NKAIN3: variants seen among roughly 807,000 people sequenced by gnomAD.
NKAIN3 encodes sodium/potassium-transporting ATPase subunit beta-1-interacting protein 3.
A neutral mutation model predicts 30.2 loss-of-function variants in NKAIN3; 25 were observed. The ratio of observed to expected loss-of-function variants is 0.83; its 90% CI spans 0.60 to 1.16. The LOEUF (loss-of-function observed/expected upper bound fraction) is 1.16, where lower values mean the gene tolerates loss of function less well. Ranked by LOEUF, NKAIN3 falls within the 50% of genes most tolerant of loss-of-function variation. NKAIN3 has a pLI of 0.00. For missense variants in NKAIN3, 225 were observed against 254.1 expected (o/e 0.89, Z 0.78); for synonymous variants, 91 against 89.6 (o/e 1.02, Z -0.09).
intron 3 of NKAIN3, among the ~76,000 whole-genome samples, chr8:62,595,152 G>A (rs1563475665): frequency 1.3e-5 from 2 of 151,782 alleles, no homozygotes. Context: ...ACATTTTTAT[G>A]TTGTTACTAA....
intron 3 of NKAIN3, among the ~76,000 whole-genome samples, 165 bp from the exon 4 acceptor site, chr8:62,746,767 A>G (rs1816084277): frequency 6.6e-6 from 1 of 152,248 alleles, no homozygotes; most frequent in South Asian, 2.1e-4. Flanking sequence ...TAGTTTAGGC[A>G]TATAATACAT....
chr8:62,840,542 A>C (rs369527430), intron 4 of NKAIN3, among the ~76,000 whole-genome samples: 4 of 152,068 alleles, frequency 2.6e-5, no homozygotes, highest in Non-Finnish European at 5.9e-5. Flanking sequence ...GACTTCCAGA[A>C]GTCCAGATTG....
intron 3 of NKAIN3, among the ~76,000 whole-genome samples, chr8:62,610,764 A>C (rs1811263569): frequency 1.3e-5 from 2 of 151,982 alleles, no homozygotes; most frequent in South Asian, 2.1e-4. Flanking sequence ...ACTTTGTTGC[A>C]TCATATATTG....
At chr8:62,320,008 G>C (rs555359934) in intron 1 of NKAIN3, among the ~76,000 whole-genome samples, 1 of 152,168 alleles carries the variant, frequency 6.6e-6, no homozygotes, top group Non-Finnish European at 1.5e-5. Context: ...TTATGAATCT[G>C]GGTGCTCCTG....
At position 62,506,476 on chromosome 8, in the gene NKAIN3, C is replaced by CTTTCTTTCTTTTTTTTTTT. The variant is rs71559373; in HGVS notation, c.55-73060_55-73059insCTTTCTTTTTTTTTTTTTT. On this transcript the variant is annotated intron_variant, in intron 1 of 6. Coordinates refer to ENST00000623646, the MANE Select transcript of NKAIN3 (RefSeq NM_001304533.3). ...TCTGCTTTTTCTTTTTTCTTTCTTTCTTTTTTTTTTTTTTTTGAGACAGAG... is the reference window on the plus strand; with the variant it reads ...TCTGCTTTTTCTTTTTTCTTTCTTTCTTTCTTTCTTTTTTTTTTTTTTTTTTTTTTTTTTTGAGACAGAG... Among the ~76,000 whole-genome samples the CTTTCTTTCTTTTTTTTTTT allele has an allele frequency of 4.9e-4, 48 of 98,428 alleles. 1 individual carries two copies. The highest frequency in any genetic ancestry group is 7.8e-4 in the African/African-American group (19 of 24,220). The allele number at this position is 98,428 out of a possible 152,430, so 64.6% of individuals were successfully genotyped here.
intron 1 of NKAIN3, among the ~76,000 whole-genome samples, chr8:62,471,900 G>A (rs947638416): frequency 1.4e-4 from 21 of 152,064 alleles, no homozygotes; most frequent in Admixed American, 8.5e-4. Flanking sequence ...AGCTATGATC[G>A]TGCCAGTTAG....
chr8:62,353,067 T>G (rs573409268), intron 1 of NKAIN3, among the ~76,000 whole-genome samples: 1 of 152,236 alleles, frequency 6.6e-6, no homozygotes, highest in African/African-American at 2.4e-5. Context: ...TGTCTTTAAG[T>G]TAAAAAACTA....
Position 62,248,948 on chromosome 8 carries a change from G to C in NKAIN3, c.-126G>C, listed in dbSNP as rs1811983970. On this transcript the variant is annotated 5_prime_UTR_variant, in exon 1 of 7. Transcript: ENST00000623646. ...CGCGAGCCCCGAGCCCTGGAGCCGC[G>C]AGCGGCGGCCGCGGGGCCGAGGAGC... 1 of 832,118 alleles carries C rather than the reference G, an allele frequency of 1.2e-6. No homozygotes were observed. Among genetic ancestry groups the C allele is most frequent in the Non-Finnish European group, 1.8e-6 (1 of 563,378 alleles). The allele number at this position is 832,118 out of a possible 1,614,324, so 51.5% of individuals were successfully genotyped here.
intron 4 of NKAIN3, among the ~76,000 whole-genome samples, chr8:62,853,597 G>A (rs1336707742): frequency 6.6e-6 from 1 of 152,008 alleles, no homozygotes; most frequent in East Asian, 1.9e-4. Flanking sequence ...TCTTCTCTAT[G>A]TTTAGTTTAT....
intron 1 of NKAIN3, among the ~76,000 whole-genome samples, chr8:62,396,985 C>T (rs560736336): frequency 2.6e-5 from 4 of 152,278 alleles, no homozygotes; most frequent in Middle Eastern, 3.4e-3. Context: ...ATTTATTGTG[C>T]ACGACAGATG....
At chr8:62,819,378 T>C (rs1161710344) in intron 4 of NKAIN3, among the ~76,000 whole-genome samples, 1 of 151,886 alleles carries the variant, frequency 6.6e-6, no homozygotes, top group Admixed American at 6.6e-5. Context: ...TGAATGGAAA[T>C]TCATTAACAC....
chr8:62,388,365 A>T (rs1817489757), intron 1 of NKAIN3, among the ~76,000 whole-genome samples: 1 of 152,238 alleles, frequency 6.6e-6, no homozygotes, highest in African/African-American at 2.4e-5. Context: ...CTCCAAGCTA[A>T]TAGTTGAAGA....
intron 4 of NKAIN3, among the ~76,000 whole-genome samples, chr8:62,898,500 C>A (rs985002129): frequency 3.9e-5 from 6 of 151,988 alleles, no homozygotes; most frequent in Admixed American, 1.3e-4. Flanking sequence ...TAAGTGGGAG[C>A]TAAGCTATGG....
Position 62,914,514 on chromosome 8 carries a change from A to T in NKAIN3, c.472-3939A>T, listed in dbSNP as rs571083549. 3.9e-5 allele frequency among the ~76,000 whole-genome samples: 6 copies of T among 152,256 alleles called. No homozygotes were observed. The South Asian group carries it at 1.2e-3, about 32-fold the overall frequency. On this transcript the variant is annotated intron_variant, in intron 4 of 6. Transcript: ENST00000623646. ...TAAAATAAAAGTTAAATAAATAAATAAAATAATTATGTTCTGCTTTTAGGA... is the reference window on the plus strand; with the variant it reads ...TAAAATAAAAGTTAAATAAATAAATTAAATAATTATGTTCTGCTTTTAGGA...
chr8:62,729,188 G>A (rs1381376542), intron 3 of NKAIN3, among the ~76,000 whole-genome samples: 1 of 151,882 alleles, frequency 6.6e-6, no homozygotes, highest in Non-Finnish European at 1.5e-5. Flanking sequence ...AAAAAGAAAC[G>A]ATTTATTTAG....
intron 6 of NKAIN3, among the ~76,000 whole-genome samples, chr8:62,964,575 T>C (rs941388095): frequency 2.1e-5 from 3 of 144,714 alleles, no homozygotes; most frequent in Non-Finnish European, 4.6e-5. Context: ...TGTGTGTGTG[T>C]GTGCTTCCCC....
At chr8:62,612,682 C>T (rs1010789142) in intron 3 of NKAIN3, among the ~76,000 whole-genome samples, 7 of 151,758 alleles carry the variant, frequency 4.6e-5, no homozygotes, top group Admixed American at 2.6e-4. Flanking sequence ...GTCTCTTCTT[C>T]CTTCTTTCTT....
chr8:62,717,042 T>A lies in NKAIN3; in HGVS notation c.274-29890T>A, dbSNP rs75602185. Among the ~76,000 whole-genome samples, 73 of 152,320 alleles carry A rather than the reference T, an allele frequency of 4.8e-4. 1 individual carries two copies. The highest frequency in any genetic ancestry group is 1.7e-3 in the African/African-American group (71 of 41,584). On this transcript the variant is annotated intron_variant, in intron 3 of 6. Coordinates refer to ENST00000623646, the MANE Select transcript of NKAIN3 (RefSeq NM_001304533.3). ...AGCTACATCAATGACTGAATTATCA[T>A]AGTTTCAATTCTACCTTAAAAATTA...
At chr8:62,869,681 G>A (rs974326510) in intron 4 of NKAIN3, among the ~76,000 whole-genome samples, 4 of 152,192 alleles carry the variant, frequency 2.6e-5, no homozygotes, top group African/African-American at 7.2e-5. Flanking sequence ...CCCCTTGCGG[G>A]GGGTAGGTGG....
Sources: allele counts gnomAD v4.1 joint callset (sites outside exome capture counted in the v4.1 genomes callset), GRCh38; gene constraint gnomAD v4.1.1; transcripts MANE v1.5; gene names NCBI Gene and HGNC (gene_info 2026-07-23, HGNC 2026-07-21).